The following TG variants were observed in gnomAD, a reference collection of about 807,000 sequenced individuals.
TG encodes the protein thyroid hormones.
Under a neutral mutation model 324.7 loss-of-function variants are expected in TG, and 270 were observed. That is an observed-to-expected ratio of 0.83 (90% CI 0.75 to 0.92). TG has a LOEUF of 0.92. Ranked by LOEUF, TG falls within the 40% of genes least tolerant of loss-of-function variation. The probability of loss-of-function intolerance (pLI) is 0.00; values close to 1 mark genes in which losing one functional copy is unlikely to be tolerated. For missense variants in TG, 3,591 were observed against 3,456.4 expected (o/e 1.04, Z -0.98); for synonymous variants, 1,401 against 1,327.0 (o/e 1.06, Z -1.21).
At chr8:133,041,249 A>G (rs1306950636) in intron 41 of TG, among the ~76,000 whole-genome samples, 1 of 152,062 alleles carries the variant, frequency 6.6e-6, no homozygotes, top group Non-Finnish European at 1.5e-5. Context: ...AGCACGTCAC[A>G]CCTCTGACAG....
rs1314337228 is a variant in TG at position 133,106,667 on chromosome 8, G to T, written c.7573-6755G>T. On this transcript the variant is annotated intron_variant, in intron 43 of 47. Coordinates refer to ENST00000220616, the MANE Select transcript of TG (RefSeq NM_003235.5). The stretch of plus-strand genomic sequence containing the variant: ...CACGCTGCCTAACCCAGCTCCCTAG[G>T]GCACAACTGGGACCCTCACTGCCCA... Among the ~76,000 whole-genome samples, 6 of 152,016 alleles carry T rather than the reference G, an allele frequency of 3.9e-5. No homozygotes were observed. In the South Asian group the frequency reaches 1.0e-3, roughly 26 times the overall value.
chr8:133,131,631 T>C (rs944707123), intron 45 of TG, among the ~76,000 whole-genome samples, 181 bp from the exon 46 acceptor site: 1 of 152,240 alleles, frequency 6.6e-6, no homozygotes, highest in Non-Finnish European at 1.5e-5. Context: ...AAGGGGCCAC[T>C]GCACTAAATT....
chr8:132,937,600 C>A (rs1016796928), intron 25 of TG, among the ~76,000 whole-genome samples: 3 of 152,142 alleles, frequency 2.0e-5, no homozygotes, highest in African/African-American at 7.2e-5. Context: ...CAATTATTTT[C>A]ATTGTCCTGT....
intron 16 of TG, among the ~76,000 whole-genome samples, chr8:132,903,774 T>C (rs1311513421): frequency 1.3e-5 from 2 of 152,152 alleles, no homozygotes; most frequent in African/African-American, 4.8e-5. Context: ...GAATGGCAGC[T>C]CCACCACTCA....
chr8:132,885,133 G>C (rs916694086), intron 8 of TG, among the ~76,000 whole-genome samples: 6 of 150,982 alleles, frequency 4.0e-5, no homozygotes, highest in Non-Finnish European at 8.8e-5. Flanking sequence ...AAAAGTTGGG[G>C]GGGGGGCGTG....
intron 5 of TG, among the ~76,000 whole-genome samples, chr8:132,879,467 G>A (rs1419120927): frequency 6.6e-6 from 1 of 152,216 alleles, no homozygotes; most frequent in Admixed American, 6.5e-5. Flanking sequence ...AATTAAATGA[G>A]ACAAATATGG....
intron 41 of TG, among the ~76,000 whole-genome samples, chr8:133,051,610 A>G (rs1840421590): frequency 6.6e-6 from 1 of 152,188 alleles, no homozygotes; most frequent in Non-Finnish European, 1.5e-5. Flanking sequence ...AGTGTATTGA[A>G]AGGAATTCTG....
chr8:133,086,318 C>T (rs556602687), intron 41 of TG, among the ~76,000 whole-genome samples: 12 of 152,266 alleles, frequency 7.9e-5, no homozygotes, highest in African/African-American at 2.6e-4. Flanking sequence ...TAACTAAAAA[C>T]CATTGAATTA....
chr8:133,030,663 C>T (rs971976712), intron 41 of TG, among the ~76,000 whole-genome samples: 6 of 152,194 alleles, frequency 3.9e-5, no homozygotes, highest in African/African-American at 1.2e-4. Context: ...CTTGTCATTA[C>T]TGGGGGTTGA....
intron 41 of TG, among the ~76,000 whole-genome samples, chr8:133,035,438 T>C (rs748031515): frequency 3.0e-4 from 46 of 152,134 alleles, no homozygotes; most frequent in Admixed American, 2.6e-3. Flanking sequence ...TAATACATTA[T>C]CCATTTGTTG....
chr8:132,961,176 G>A (rs1240059427), intron 28 of TG, 103 bp downstream of exon 28: 7 of 1,175,154 alleles, frequency 6.0e-6, no homozygotes, highest in Non-Finnish European at 8.9e-6. Flanking sequence ...TAGAGGAATA[G>A]GTAGAGAGTC....
chr8:132,967,973 G>A lies in TG; in HGVS notation c.5863+3G>A. The A allele has an allele frequency of 6.2e-7, 1 of 1,613,132 alleles. No homozygotes were observed. The highest frequency in any genetic ancestry group is 8.5e-7 in the Non-Finnish European group (1 of 1,179,698). On this transcript the variant is annotated splice_donor_region_variant and intron_variant, in intron 31 of 47. Transcript: ENST00000220616. ...AAAGGCCCTGTTCCGGAAGAAAGGT[G>A]AGCACTTGGAGAGATCTGCATAAAC...
intron 41 of TG, chr8:133,040,470 G>A: frequency 3.6e-6 from 1 of 275,598 alleles, no homozygotes; most frequent in East Asian, 7.9e-5. Context: ...TTCAACTGCA[G>A]AATGAAAGAA....
At chr8:133,047,874 G>A in intron 41 of TG, 1 of 1,612,602 alleles carries the variant, frequency 6.2e-7, no homozygotes, top group Non-Finnish European at 8.5e-7. Flanking sequence ...GCCGACCTTT[G>A]TGTCTGGCAG....
intron 35 of TG, among the ~76,000 whole-genome samples, chr8:133,005,063 G>C (rs567555246): frequency 6.6e-6 from 1 of 152,234 alleles, no homozygotes; most frequent in Admixed American, 6.5e-5. Context: ...CATGGTGTAC[G>C]AGTGAAAAGG....
At position 133,133,539 on chromosome 8, in the gene TG, AC is replaced by A. The variant is rs766644728; in HGVS notation, c.8071del (p.Arg2691ValfsTer20). The A allele has an allele frequency of 6.2e-7, 1 of 1,614,160 alleles. No homozygotes were observed. The highest frequency in any genetic ancestry group is 8.5e-7 in the Non-Finnish European group (1 of 1,180,024). The part of the protein sequence containing the change: ...TFATPWPDFV[P>X]RAGGENYKEF... Reference sequence around the variant, plus strand: ...TTGCAACCCCCTGGCCTGACTTTGTACCCCGTGCTGGTGGAGAGAACTACAA... The same window carrying A: ...TTGCAACCCCCTGGCCTGACTTTGTACCCGTGCTGGTGGAGAGAACTACAA... On this transcript the variant is annotated frameshift_variant, in exon 47 of 48. Coordinates refer to ENST00000220616, the MANE Select transcript of TG (RefSeq NM_003235.5). LOFTEE classifies it high-confidence loss of function.
intron 35 of TG, among the ~76,000 whole-genome samples, chr8:132,990,694 A>G (rs1421495709): frequency 6.6e-6 from 1 of 152,178 alleles, no homozygotes; most frequent in Non-Finnish European, 1.5e-5. Context: ...CTATATTTTA[A>G]TCTTCACAAC....
Position 132,906,713 on chromosome 8 carries a change from C to T in TG, c.3660C>T (p.Asn1220=), listed in dbSNP as rs768761690. The part of the protein sequence containing the change: ...CESPRCPLPF[N]ASEVVGGTIL... ...GCCCGCGGTGTCCGCTGCCATTCAA[C>T]GCGTCGGAGGTGGTTGGTGGAACAA... is the stretch of plus-strand genomic sequence containing the variant. The change falls in exon 17 of 48, where the codon AAC becomes AAT. Residue 1220 remains asparagine, a synonymous_variant. Coordinates refer to ENST00000220616, the MANE Select transcript of TG (RefSeq NM_003235.5). 13 of 1,614,168 alleles carry T rather than the reference C, an allele frequency of 8.1e-6. No homozygotes were observed. Among genetic ancestry groups the T allele is most frequent in the South Asian group, 3.3e-5 (3 of 91,082 alleles).
chr8:132,955,718 A>G (rs1285950476), intron 27 of TG, among the ~76,000 whole-genome samples: 1 of 152,346 alleles, frequency 6.6e-6, no homozygotes, highest in East Asian at 1.9e-4. Flanking sequence ...GCTCCTGGAC[A>G]GCAGCTTTTC....
Sources: gnomAD v4.1 joint callset for allele counts (sites outside exome capture counted in the v4.1 genomes callset) on GRCh38, gnomAD v4.1.1 for gene constraint, MANE v1.5 for transcripts, NCBI Gene and HGNC (gene_info 2026-07-23, HGNC 2026-07-21) for gene names.